Variants in RAB28 observed in about 807,000 individuals in gnomAD.
RAB28 encodes RAB28, member RAS oncogene family.
Under a neutral mutation model 31.7 loss-of-function variants are expected in RAB28, and 24 were observed. That is an observed-to-expected ratio of 0.76 (90% CI 0.55 to 1.06). The LOEUF is 1.06. Among genes scored for constraint, RAB28 ranks in the 50% least tolerant of loss-of-function variants. The pLI is 0.00. For missense variants in RAB28, 254 were observed against 258.5 expected, an observed-to-expected ratio of 0.98 and a Z score of 0.12; for synonymous variants, 100 against 90.4, an observed-to-expected ratio of 1.11 and a Z score of -0.60.
chr4:13,445,821 G>C (rs1714664569), intron 4 of RAB28, among the ~76,000 whole-genome samples: 1 of 152,226 alleles, frequency 6.6e-6, no homozygotes, highest in Admixed American at 6.5e-5. Flanking sequence ...TCCCAGTCAG[G>C]AGGCACAGGG....
chr4:13,468,297 G>GCT (rs956209523), intron 3 of RAB28, among the ~76,000 whole-genome samples: 1 of 151,810 alleles, frequency 6.6e-6, no homozygotes, highest in Non-Finnish European at 1.5e-5. Context: ...CTATTCCCTA[G>GCT]CTCTCACGGT....
intron 1 of RAB28, among the ~76,000 whole-genome samples, chr4:13,483,753 A>C (rs1397624099): frequency 6.6e-6 from 1 of 152,190 alleles, no homozygotes; most frequent in Non-Finnish European, 1.5e-5. Context: ...CCAGACTACA[A>C]GTAAGAGGAG....
intron 4 of RAB28, among the ~76,000 whole-genome samples, chr4:13,391,770 C>A (rs954925386): frequency 1.3e-5 from 2 of 152,066 alleles, no homozygotes; most frequent in Non-Finnish European, 2.9e-5. Flanking sequence ...ACAGATGAAG[C>A]TGGAAACCAT....
intron 4 of RAB28, among the ~76,000 whole-genome samples, chr4:13,440,602 T>C (rs1714363718): frequency 6.6e-6 from 1 of 152,186 alleles, no homozygotes; most frequent in Non-Finnish European, 1.5e-5. Context: ...ATTACCTTTC[T>C]ACATGCTTCT....
In RAB28 at chr4:13,368,510, C is replaced by G; in HGVS notation, c.*48G>C. 6.4e-7 allele frequency: 1 copy of G among 1,573,916 alleles called. No homozygotes were observed. Among genetic ancestry groups the G allele is most frequent in the Non-Finnish European group, 8.6e-7 (1 of 1,163,304 alleles). On this transcript the variant is annotated 3_prime_UTR_variant, in exon 7 of 7. Transcript: ENST00000330852. The stretch of plus-strand genomic sequence containing the variant: ...AGTTCCTAGAAGTCCTCGGGCCCAC[C>G]CAGAGGTGAAGGGCAGCCAGAACTA...
At chr4:13,462,671 T>C (rs151226543) in intron 3 of RAB28, among the ~76,000 whole-genome samples, 1 of 152,286 alleles carries the variant, frequency 6.6e-6, no homozygotes, top group African/African-American at 2.4e-5. Context: ...AATTCGATAT[T>C]TGAGTTAGAT....
At chr4:13,417,494 C>T (rs4956003) in intron 4 of RAB28, among the ~76,000 whole-genome samples, 36,497 of 152,102 alleles carry the variant, frequency 0.24, 5,735 homozygotes, top group East Asian at 0.55. Flanking sequence ...CAGTAGGGGC[C>T]AACCGACACC....
intron 4 of RAB28, among the ~76,000 whole-genome samples, chr4:13,444,319 G>A (rs1015264823): frequency 1.3e-5 from 2 of 152,020 alleles, no homozygotes; most frequent in East Asian, 1.9e-4. Context: ...GAGCCACCAC[G>A]CCCAGCCGCG....
At position 13,398,205 on chromosome 4, in the gene RAB28, T is replaced by C. The variant is rs570034742; in HGVS notation, c.392-16611A>G. On this transcript the variant is annotated intron_variant, in intron 4 of 6. Coordinates refer to ENST00000330852, the MANE Select transcript of RAB28 (RefSeq NM_001017979.3). The stretch of plus-strand genomic sequence containing the variant: ...CAACTTTTGTTGCTTGTAAAAAATT[T>C]GTGCATATATCATCAAAAGCCTAAA... Among the ~76,000 whole-genome samples the C allele has an allele frequency of 2.6e-5, 4 of 152,296 alleles. 1 individual carries two copies. The highest frequency in any genetic ancestry group is 2.6e-4 in the Admixed American group (4 of 15,302).
chr4:13,417,275 G>A (rs1228320679), intron 4 of RAB28, among the ~76,000 whole-genome samples: 1 of 152,208 alleles, frequency 6.6e-6, no homozygotes, highest in Non-Finnish European at 1.5e-5. Context: ...CTGCAAGGAA[G>A]GCCTGCTGCC....
At chr4:13,370,401 T>C (rs1199229048) in intron 6 of RAB28, 2 of 867,096 alleles carry the variant, frequency 2.3e-6, no homozygotes, top group African/African-American at 3.7e-5. Flanking sequence ...GAAGATATAC[T>C]ATGTGCCAGT....
intron 4 of RAB28, among the ~76,000 whole-genome samples, chr4:13,415,516 C>G (rs1324590753): frequency 6.6e-6 from 1 of 152,120 alleles, no homozygotes; most frequent in Non-Finnish European, 1.5e-5. Context: ...CCGGCCCGGG[C>G]AATGAGGAGC....
intron 4 of RAB28, chr4:13,459,744 A>T (rs1370913535): frequency 9.4e-7 from 1 of 1,064,874 alleles, no homozygotes; most frequent in Non-Finnish European, 1.1e-6. Context: ...TTTATAAGAG[A>T]CAGGAGCAAG....
intron 4 of RAB28, among the ~76,000 whole-genome samples, chr4:13,413,384 A>C (rs1265702189): frequency 1.3e-5 from 2 of 152,244 alleles, no homozygotes; most frequent in East Asian, 3.8e-4. Context: ...GTGGCAAACT[A>C]ATCTGCTGTC....
chr4:13,410,131 C>T (rs1450176098), intron 4 of RAB28, among the ~76,000 whole-genome samples: 3 of 152,172 alleles, frequency 2.0e-5, no homozygotes, highest in Non-Finnish European at 4.4e-5. Context: ...GAGACCTCCC[C>T]AGCCATGTTT....
intron 3 of RAB28, among the ~76,000 whole-genome samples, chr4:13,461,946 A>G (rs1049825867): frequency 6.6e-6 from 1 of 152,240 alleles, no homozygotes; most frequent in Non-Finnish European, 1.5e-5. Context: ...TAAACAATAA[A>G]CAGAGGTTAA....
chr4:13,422,549 C>G (rs1390223423), intron 4 of RAB28, among the ~76,000 whole-genome samples: 2 of 150,538 alleles, frequency 1.3e-5, no homozygotes, highest in Non-Finnish European at 2.9e-5. Context: ...ACATATACAA[C>G]ATGGAAAATA....
At chr4:13,451,790 CTT>C (rs1471909200) in intron 4 of RAB28, among the ~76,000 whole-genome samples, 1 of 151,760 alleles carries the variant, frequency 6.6e-6, no homozygotes, top group Non-Finnish European at 1.5e-5. Context: ...AAGGTCTAGT[CTT>C]GTTATTTCGC....
intron 4 of RAB28, among the ~76,000 whole-genome samples, chr4:13,438,816 A>G (rs1474780440): frequency 2.6e-5 from 4 of 151,336 alleles, no homozygotes; most frequent in Non-Finnish European, 5.9e-5. Flanking sequence ...AAGGTAACTG[A>G]CTTTTTGAGG....
Sources: gnomAD v4.1 joint callset for allele counts (sites outside exome capture counted in the v4.1 genomes callset) on GRCh38, gnomAD v4.1.1 for gene constraint, MANE v1.5 for transcripts, NCBI Gene and HGNC (gene_info 2026-07-23, HGNC 2026-07-21) for gene names.